CNTNAP3B: variants seen among roughly 807,000 people sequenced by gnomAD.
CNTNAP3B encodes contactin associated protein family member 3B, also known as contactin-associated protein-like 3B.
CNTNAP3B carries 25 observed loss-of-function variants against 108.9 expected under a neutral mutation model. The observed-to-expected ratio is 0.23, with a 90% CI of 0.17 to 0.32. CNTNAP3B has a LOEUF of 0.32. CNTNAP3B is among the 10% of genes least tolerant of loss of function. The pLI is 1.00. For missense variants in CNTNAP3B, 252 were observed against 1,210.4 expected (o/e 0.21, Z 11.75); for synonymous variants, 103 against 473.4 (o/e 0.22, Z 10.16).
At chr9:42,126,567 CT>C (rs780785918) in intron 1 of CNTNAP3B, among the ~76,000 whole-genome samples, 1,420 of 127,298 alleles carry the variant, frequency 0.011, 174 homozygotes, top group African/African-American at 0.039. Context: ...GTTTAGAGAG[CT>C]TTTTTTTTTT....
intron 15 of CNTNAP3B, among the ~76,000 whole-genome samples, chr9:41,927,466 G>A (rs1216064243): frequency 1.3e-5 from 2 of 151,524 alleles, no homozygotes; most frequent in African/African-American, 4.9e-5. Context: ...GAGGGAGGGA[G>A]GGAGTGGGGA....
chr9:41,937,940 TTAAC>T (rs1249183204), intron 14 of CNTNAP3B: 1 of 351,440 alleles, frequency 2.8e-6, no homozygotes, highest in African/African-American at 2.2e-5. Context: ...CGTTAATTAA[TTAAC>T]TAAACTTCGC....
intron 13 of CNTNAP3B, among the ~76,000 whole-genome samples, chr9:41,944,267 GA>G (rs1277790080): frequency 1.3e-5 from 2 of 148,148 alleles, no homozygotes; most frequent in African/African-American, 5.0e-5. Flanking sequence ...CATTAGAGAA[GA>G]AAAAAATTAA....
At chr9:42,024,120 TTTCC>T (rs1826371908) in intron 3 of CNTNAP3B, among the ~76,000 whole-genome samples, 2 of 133,042 alleles carry the variant, frequency 1.5e-5, no homozygotes, top group African/African-American at 3.0e-5. Context: ...CCTGTCATAT[TTTCC>T]TTCCTTTTTC....
chr9:41,958,590 G>A (rs1417265686), intron 12 of CNTNAP3B, among the ~76,000 whole-genome samples: 1 of 151,722 alleles, frequency 6.6e-6, no homozygotes, highest in Non-Finnish European at 1.5e-5. Context: ...GTGCCTCTGG[G>A]CTGTGACCTT....
At chr9:42,033,200 A>G (rs1471422591) in intron 3 of CNTNAP3B, among the ~76,000 whole-genome samples, 1 of 139,910 alleles carries the variant, frequency 7.1e-6, no homozygotes, top group Non-Finnish European at 1.5e-5. Flanking sequence ...CCCATTAATA[A>G]TGGTCACTAT....
intron 1 of CNTNAP3B, among the ~76,000 whole-genome samples, chr9:42,111,671 C>T (rs989524852): frequency 7.2e-6 from 1 of 138,680 alleles, no homozygotes; most frequent in Non-Finnish European, 1.5e-5. Flanking sequence ...ATTTTGGTCA[C>T]CTGAAACTGA....
intron 1 of CNTNAP3B, among the ~76,000 whole-genome samples, chr9:42,112,927 T>C (rs1828226398): frequency 7.7e-6 from 1 of 130,156 alleles, no homozygotes; most frequent in Non-Finnish European, 1.6e-5. Context: ...TAAATTTTTT[T>C]TGTATTTTTA....
At chr9:41,964,315 C>T (rs563118324) in intron 11 of CNTNAP3B, among the ~76,000 whole-genome samples, 9 of 152,292 alleles carry the variant, frequency 5.9e-5, no homozygotes, top group African/African-American at 1.9e-4. Flanking sequence ...CATTGCTTGC[C>T]AGTTTCTTTT....
chr9:42,075,025 G>T (rs1827456804), intron 3 of CNTNAP3B, among the ~76,000 whole-genome samples: 1 of 146,318 alleles, frequency 6.8e-6, no homozygotes, highest in Admixed American at 6.8e-5. Context: ...GGAGGGATCT[G>T]TTCTATGCCC....
At chr9:42,103,183 C>T (rs1327795215) in intron 2 of CNTNAP3B, among the ~76,000 whole-genome samples, 3 of 136,748 alleles carry the variant, frequency 2.2e-5, no homozygotes, top group African/African-American at 9.1e-5. Context: ...GTGATAATGA[C>T]CATCCACTGA....
intron 15 of CNTNAP3B, chr9:41,926,688 C>T (rs1028867089): frequency 2.0e-5 from 3 of 152,608 alleles, no homozygotes; most frequent in African/African-American, 7.2e-5. Flanking sequence ...AACTCCTTGG[C>T]TCAAGCCATC....
At position 42,030,919 on chromosome 9, in the gene CNTNAP3B, G is replaced by A. The variant is rs1277061076; in HGVS notation, c.391-17394C>T. ...ACATAGGGTTCTCAGCCTCTTTCAA[G>A]GCCCAAGGATCTCTCAGAAGACACT... On this transcript the variant is annotated intron_variant, in intron 3 of 23. Coordinates refer to ENST00000377561, the MANE Select transcript of CNTNAP3B (RefSeq NM_001201380.3). 1.8e-5 allele frequency among the ~76,000 whole-genome samples: 2 copies of A among 111,828 alleles called. 1 individual carries two copies. Among genetic ancestry groups the A allele is most frequent in the Non-Finnish European group, 3.7e-5 (2 of 54,756 alleles). The allele number at this position is 111,828 out of a possible 152,430, so 73.4% of individuals were successfully genotyped here.
intron 13 of CNTNAP3B, among the ~76,000 whole-genome samples, chr9:41,948,371 G>A (rs1824589080): frequency 6.6e-6 from 1 of 152,238 alleles, no homozygotes; most frequent in South Asian, 2.1e-4. Context: ...GGATCACAGA[G>A]CCACCCTGCC....
At chr9:42,075,835 A>ATTATT (rs1587251278) in intron 3 of CNTNAP3B, among the ~76,000 whole-genome samples, 3 of 46,726 alleles carry the variant, frequency 6.4e-5, no homozygotes, top group African/African-American at 6.4e-5. Flanking sequence ...TGTAATAAAT[A>ATTATT]CTTATTATTA....
At position 42,062,577 on chromosome 9, in the gene CNTNAP3B, T is replaced by C. The variant is rs1310946639; in HGVS notation, c.390+14292A>G. Among the ~76,000 whole-genome samples the C allele has an allele frequency of 1.1e-4, 12 of 113,246 alleles. No individual in the cohort carries two copies. The Admixed American group carries it at 1.1e-3, about 10-fold the overall frequency. 74.3% of individuals were successfully genotyped at this position (113,246 alleles called of 152,430 possible). On this transcript the variant is annotated intron_variant, in intron 3 of 23. Transcript: ENST00000377561. ...TAATCCATTAAGTCACACTATGTCT[T>C]CTGATTGAATAGTTTAATTTATTTA...
In CNTNAP3B at chr9:42,066,235, C is replaced by A. The variant is rs1454903686; in HGVS notation, c.390+10634G>T. The stretch of plus-strand genomic sequence containing the variant: ...ACCTCATAGTAATGTTTTAACCTTT[C>A]TTTTCCCATGTAGCTTGTACATTTC... On this transcript the variant is annotated intron_variant, in intron 3 of 23. Transcript: ENST00000377561. 2.9e-5 allele frequency among the ~76,000 whole-genome samples: 4 copies of A among 135,894 alleles called. 2 individuals are homozygous for A. The highest frequency in any genetic ancestry group is 6.3e-5 in the Non-Finnish European group (4 of 63,970). 89.2% of individuals were successfully genotyped at this position (135,894 alleles called of 152,430 possible).
At chr9:42,084,279 C>T (rs1262838741) in intron 2 of CNTNAP3B, among the ~76,000 whole-genome samples, 1 of 122,360 alleles carries the variant, frequency 8.2e-6, no homozygotes, top group Non-Finnish European at 1.7e-5. Flanking sequence ...AAGCCATTAT[C>T]TTCACTTGGT....
chr9:42,099,104 T>C lies in CNTNAP3B; in HGVS notation c.196+5525A>G, dbSNP rs1161301837. 2.2e-5 allele frequency among the ~76,000 whole-genome samples: 3 copies of C among 134,302 alleles called. 1 individual carries two copies. Among genetic ancestry groups the C allele is most frequent in the Non-Finnish European group, 4.8e-5 (3 of 63,112 alleles). 88.1% of individuals were successfully genotyped at this position (134,302 alleles called of 152,430 possible). A position where few individuals can be genotyped will look rare whatever the true frequency, so the allele number is the denominator to read the frequency against. On this transcript the variant is annotated intron_variant, in intron 2 of 23. Coordinates refer to ENST00000377561, the MANE Select transcript of CNTNAP3B (RefSeq NM_001201380.3). Reference sequence around the variant, plus strand: ...AGAAGAAATGAGGCAGAAAGTATCTTTTTAAACACAATGCTCATTCACTCA... The same window carrying C: ...AGAAGAAATGAGGCAGAAAGTATCTCTTTAAACACAATGCTCATTCACTCA...
Sources: allele counts gnomAD v4.1 joint callset (sites outside exome capture counted in the v4.1 genomes callset), GRCh38; gene constraint gnomAD v4.1.1; transcripts MANE v1.5; gene names NCBI Gene and HGNC (gene_info 2026-07-23, HGNC 2026-07-21).